Variants in KCNIP4 observed in about 807,000 individuals in gnomAD.
The protein encoded by KCNIP4 is Kv channel-interacting protein 4.
KCNIP4 carries 12 observed loss-of-function variants against 34.0 expected under a neutral mutation model. The ratio of observed to expected loss-of-function variants is 0.35; its 90% CI spans 0.23 to 0.57. KCNIP4 has a LOEUF of 0.57. Among genes scored for constraint, KCNIP4 ranks in the 20% least tolerant of loss-of-function variants. The pLI is 0.83. For synonymous variants in KCNIP4, 124 were observed against 102.2 expected (o/e 1.21, Z -1.29); for missense variants, 238 against 311.7 (o/e 0.76, Z 1.78).
chr4:21,632,370 T>C (rs1374082943), intron 1 of KCNIP4, among the ~76,000 whole-genome samples: 2 of 148,594 alleles, frequency 1.3e-5, no homozygotes, highest in East Asian at 2.0e-4. Flanking sequence ...CGAGCCACCA[T>C]GCCTGGCTAA....
At chr4:21,593,900 T>C (rs1282831153) in intron 1 of KCNIP4, among the ~76,000 whole-genome samples, 1 of 152,178 alleles carries the variant, frequency 6.6e-6, no homozygotes, top group East Asian at 1.9e-4. Context: ...TGTTCTCATC[T>C]GAAGAATCTT....
At chr4:21,917,592 G>A (rs1728707089) in intron 1 of KCNIP4, among the ~76,000 whole-genome samples, 1 of 151,898 alleles carries the variant, frequency 6.6e-6, no homozygotes, top group South Asian at 2.1e-4. Context: ...GGGGTAGATT[G>A]AGGATTCAAA....
In KCNIP4 at chr4:21,694,768, G is replaced by A. The variant is rs565286011; in HGVS notation, c.61+253803C>T. Among the ~76,000 whole-genome samples, 10 of 151,876 alleles carry A rather than the reference G, an allele frequency of 6.6e-5. No individual in the cohort carries two copies. In the East Asian group the frequency reaches 1.9e-3, roughly 29 times the overall value. ...AGTTTGTATCCACAAAAATTTCTTT[G>A]CACTTCCAATATTCTATGTTTGTAT... On this transcript the variant is annotated intron_variant, in intron 1 of 8. Transcript: ENST00000382152.
chr4:21,744,701 C>T (rs567598600), intron 1 of KCNIP4, among the ~76,000 whole-genome samples: 8 of 152,152 alleles, frequency 5.3e-5, no homozygotes, highest in Non-Finnish European at 8.8e-5. Flanking sequence ...GCTCCACAAA[C>T]TTGACTGCAT....
At chr4:21,785,974 C>T (rs1280585567) in intron 1 of KCNIP4, among the ~76,000 whole-genome samples, 1 of 152,150 alleles carries the variant, frequency 6.6e-6, no homozygotes, top group East Asian at 1.9e-4. Context: ...GAGGGGCAGT[C>T]TCACTCTGTC....
In KCNIP4 at chr4:21,054,294, G is replaced by A. The variant is rs528247381; in HGVS notation, c.62-171585C>T. Among the ~76,000 whole-genome samples the A allele has an allele frequency of 9.3e-4, 141 of 152,082 alleles. 1 individual carries two copies. The highest frequency in any genetic ancestry group is 2.7e-3 in the African/African-American group (112 of 41,494). The stretch of plus-strand genomic sequence containing the variant: ...AGCACTTTGGGAGGCTGAGGTGGGC[G>A]GATCACTTGAGGTCAGGAGTTCGAG... On this transcript the variant is annotated intron_variant, in intron 1 of 8. Coordinates refer to ENST00000382152, the MANE Select transcript of KCNIP4 (RefSeq NM_025221.6).
intron 1 of KCNIP4, among the ~76,000 whole-genome samples, chr4:21,528,439 C>T (rs953750891): frequency 6.6e-6 from 1 of 151,750 alleles, no homozygotes; most frequent in Middle Eastern, 3.2e-3. Context: ...GAGGCCGATG[C>T]GGGTGTATCA....
intron 1 of KCNIP4, among the ~76,000 whole-genome samples, chr4:20,994,776 G>A (rs895188598): frequency 6.6e-6 from 1 of 152,106 alleles, no homozygotes; most frequent in Non-Finnish European, 1.5e-5. Flanking sequence ...TTCTTAGGAT[G>A]GATAAAACCA....
chr4:21,345,395 G>A (rs143702662), intron 1 of KCNIP4, among the ~76,000 whole-genome samples: 1 of 152,122 alleles, frequency 6.6e-6, no homozygotes. Context: ...ATTAACTCAT[G>A]AAAACGGTGA....
chr4:21,864,421 G>C (rs1450240558), intron 1 of KCNIP4, among the ~76,000 whole-genome samples: 1 of 151,994 alleles, frequency 6.6e-6, no homozygotes, highest in Admixed American at 6.6e-5. Context: ...TTTCATTTTT[G>C]CATGTGTGCT....
chr4:20,805,187 T>C (rs1467218024), intron 3 of KCNIP4, among the ~76,000 whole-genome samples: 2 of 2,498 alleles, frequency 8.0e-4, no homozygotes, highest in African/African-American at 1.9e-3. Context: ...AGATGCTTCC[T>C]TTTTTTTTTT....
intron 1 of KCNIP4, among the ~76,000 whole-genome samples, chr4:21,790,384 A>T (rs915606036): frequency 6.6e-6 from 1 of 152,180 alleles, no homozygotes; most frequent in Non-Finnish European, 1.5e-5. Flanking sequence ...CACTCATTGT[A>T]TCTTGTGTTT....
intron 1 of KCNIP4, among the ~76,000 whole-genome samples, chr4:21,094,141 T>C (rs1013393773): frequency 1.3e-5 from 2 of 152,054 alleles, no homozygotes; most frequent in African/African-American, 4.8e-5. Flanking sequence ...TTATAAAACA[T>C]TGTAAAAGAA....
intron 1 of KCNIP4, among the ~76,000 whole-genome samples, chr4:21,399,726 G>A (rs983380261): frequency 4.0e-5 from 6 of 151,608 alleles, no homozygotes; most frequent in African/African-American, 7.3e-5. Flanking sequence ...GCACGATCTC[G>A]GTTCAACCCA....
At chr4:21,457,637 A>G (rs1174696076) in intron 1 of KCNIP4, among the ~76,000 whole-genome samples, 1 of 151,994 alleles carries the variant, frequency 6.6e-6, no homozygotes, top group Non-Finnish European at 1.5e-5. Context: ...CACTCCCTGG[A>G]CAGAATCCCT....
At chr4:21,462,561 A>G (rs879323424) in intron 1 of KCNIP4, among the ~76,000 whole-genome samples, 7 of 152,200 alleles carry the variant, frequency 4.6e-5, no homozygotes, top group African/African-American at 1.2e-4. Context: ...CATATCATCA[A>G]CTACTCTTCC....
chr4:21,734,973 T>C (rs116482423), intron 1 of KCNIP4, among the ~76,000 whole-genome samples: 4,356 of 152,134 alleles, frequency 0.029, 193 homozygotes, highest in African/African-American at 0.099. Flanking sequence ...GAGAGACCAA[T>C]AAGTTTCTTA....
intron 1 of KCNIP4, among the ~76,000 whole-genome samples, chr4:21,706,006 G>C (rs1204420780): frequency 1.3e-5 from 2 of 151,988 alleles, no homozygotes; most frequent in African/African-American, 4.8e-5. Flanking sequence ...GAGTATGCAG[G>C]GAAAATAAAG....
At chr4:20,859,632 G>A (rs1019297113) in intron 2 of KCNIP4, among the ~76,000 whole-genome samples, 4 of 152,016 alleles carry the variant, frequency 2.6e-5, no homozygotes, top group Admixed American at 2.6e-4. Context: ...AAATCATCTA[G>A]GAACAACAGA....
Sources: gnomAD v4.1 joint callset for allele counts (sites outside exome capture counted in the v4.1 genomes callset) on GRCh38, gnomAD v4.1.1 for gene constraint, MANE v1.5 for transcripts, NCBI Gene and HGNC (gene_info 2026-07-23, HGNC 2026-07-21) for gene names.